CDH12: variants seen among roughly 807,000 people sequenced by gnomAD.
CDH12 encodes cadherin 12, also known as cadherin-12.
A neutral mutation model predicts 74.1 loss-of-function variants in CDH12; 41 were observed. The observed-to-expected ratio is 0.55, with a 90% CI of 0.43 to 0.72. CDH12 has a LOEUF of 0.72. Ranked by LOEUF, CDH12 falls within the 30% of genes least tolerant of loss-of-function variation. The pLI is 0.00. For synonymous variants in CDH12, 399 were observed against 355.0 expected (o/e 1.12, Z -1.39); for missense variants, 945 against 977.2 (o/e 0.97, Z 0.44).
intron 1 of CDH12, among the ~76,000 whole-genome samples, chr5:22,622,376 G>A (rs1580824819): frequency 6.6e-6 from 1 of 151,980 alleles, no homozygotes; most frequent in African/African-American, 2.4e-5. Flanking sequence ...CGCAGACACT[G>A]GACTAAATGA....
At chr5:21,785,836 A>G (rs1746167505) in intron 10 of CDH12, among the ~76,000 whole-genome samples, 1 of 152,210 alleles carries the variant, frequency 6.6e-6, no homozygotes, top group Non-Finnish European at 1.5e-5. Context: ...AAAAAGATCT[A>G]GATAAGATCA....
chr5:22,714,010 A>G (rs1392041906), intron 1 of CDH12, among the ~76,000 whole-genome samples: 1 of 152,166 alleles, frequency 6.6e-6, no homozygotes, highest in Non-Finnish European at 1.5e-5. Flanking sequence ...ATTTCACGTT[A>G]TGTTGTTTCA....
At chr5:22,018,496 A>G (rs1159107255) in intron 5 of CDH12, among the ~76,000 whole-genome samples, 2 of 152,162 alleles carry the variant, frequency 1.3e-5, no homozygotes, top group Non-Finnish European at 2.9e-5. Flanking sequence ...ATACGTTGGA[A>G]CTTTGTATTT....
chr5:22,319,580 A>C (rs1738776491), intron 3 of CDH12, among the ~76,000 whole-genome samples: 1 of 152,194 alleles, frequency 6.6e-6, no homozygotes, highest in Non-Finnish European at 1.5e-5. Context: ...AGAATTAGAT[A>C]AAATCAGGAG....
intron 1 of CDH12, among the ~76,000 whole-genome samples, chr5:22,801,435 G>GT (rs1464464703): frequency 4.6e-5 from 7 of 151,724 alleles, no homozygotes; most frequent in Non-Finnish European, 7.4e-5. Flanking sequence ...TTAAAAAGAG[G>GT]TTTTTTGCCT....
chr5:22,289,512 G>A (rs1322268910), intron 3 of CDH12, among the ~76,000 whole-genome samples: 1 of 152,050 alleles, frequency 6.6e-6, no homozygotes, highest in Non-Finnish European at 1.5e-5. Context: ...GACAATACTA[G>A]AATAAAACCA....
rs1361947258 is a variant in CDH12, at chr5:22,314,646, C to T, written c.-333+90611G>A. On this transcript the variant is annotated intron_variant, in intron 3 of 14. Transcript: ENST00000382254. Reference sequence around the variant, plus strand: ...GATGGTATGCCACGTAAGGTGAGCTCGTAAATGCAGGACGCTGAGTGAAGG... The same window carrying T: ...GATGGTATGCCACGTAAGGTGAGCTTGTAAATGCAGGACGCTGAGTGAAGG... Among the ~76,000 whole-genome samples the T allele has an allele frequency of 1.2e-4, 18 of 152,104 alleles. No individual in the cohort carries two copies. The South Asian group carries it at 2.9e-3, about 25-fold the overall frequency.
chr5:22,129,441 T>C (rs1355821476), intron 4 of CDH12, among the ~76,000 whole-genome samples: 2 of 152,134 alleles, frequency 1.3e-5, no homozygotes, highest in African/African-American at 4.8e-5. Flanking sequence ...TTCCAGGAAA[T>C]GAGAAAAATC....
chr5:21,896,860 A>C (rs1455682948), intron 6 of CDH12, among the ~76,000 whole-genome samples: 1 of 152,198 alleles, frequency 6.6e-6, no homozygotes, highest in Non-Finnish European at 1.5e-5. Flanking sequence ...TATTCTTATC[A>C]GTATAATTTG....
At chr5:22,702,344 C>A (rs1192003706) in intron 1 of CDH12, among the ~76,000 whole-genome samples, 2 of 152,126 alleles carry the variant, frequency 1.3e-5, no homozygotes, top group Non-Finnish European at 2.9e-5. Context: ...CAGGTAGGAA[C>A]CACTGATACA....
intron 5 of CDH12, among the ~76,000 whole-genome samples, chr5:22,022,850 T>C (rs1458160073): frequency 1.3e-5 from 2 of 152,134 alleles, no homozygotes; most frequent in African/African-American, 4.8e-5. Flanking sequence ...CTCCAAATAA[T>C]ACATAAATTT....
At chr5:22,272,071 G>A (rs1208794044) in intron 3 of CDH12, among the ~76,000 whole-genome samples, 1 of 152,152 alleles carries the variant, frequency 6.6e-6, no homozygotes, top group Non-Finnish European at 1.5e-5. Flanking sequence ...TTGTAGATGG[G>A]ATCTTCCTCC....
chr5:22,523,716 C>T (rs926502069), intron 1 of CDH12, among the ~76,000 whole-genome samples: 9 of 152,012 alleles, frequency 5.9e-5, no homozygotes, highest in African/African-American at 1.9e-4. Context: ...TGTAGGTTGC[C>T]TCATATAATT....
At chr5:22,365,407 A>G (rs984365327) in intron 3 of CDH12, among the ~76,000 whole-genome samples, 3 of 152,236 alleles carry the variant, frequency 2.0e-5, no homozygotes, top group African/African-American at 7.2e-5. Flanking sequence ...TTCACTCAAC[A>G]GTATTATTAA....
At chr5:22,771,304 G>T (rs538405388) in intron 1 of CDH12, among the ~76,000 whole-genome samples, 26 of 152,154 alleles carry the variant, frequency 1.7e-4, no homozygotes, top group African/African-American at 6.3e-4. Flanking sequence ...AAACCAATTT[G>T]CTGAATGTAT....
intron 1 of CDH12, among the ~76,000 whole-genome samples, chr5:22,623,297 G>T (rs1048931397): frequency 6.6e-6 from 1 of 152,156 alleles, no homozygotes; most frequent in African/African-American, 2.4e-5. Context: ...TCAACATAGT[G>T]TTGCAAGTTC....
At chr5:21,896,530 C>T (rs1257270862) in intron 6 of CDH12, among the ~76,000 whole-genome samples, 1 of 152,108 alleles carries the variant, frequency 6.6e-6, no homozygotes, top group Non-Finnish European at 1.5e-5. Context: ...CATTGAAATA[C>T]CAGATTGTTA....
intron 6 of CDH12, among the ~76,000 whole-genome samples, chr5:21,866,328 C>A (rs1335195146): frequency 2.0e-5 from 3 of 152,190 alleles, no homozygotes; most frequent in Non-Finnish European, 2.9e-5. Flanking sequence ...GATTGGAGGG[C>A]TCAGAAGAAG....
chr5:22,123,331 G>T (rs115696705), intron 4 of CDH12, among the ~76,000 whole-genome samples: 1 of 152,188 alleles, frequency 6.6e-6, no homozygotes, highest in East Asian at 1.9e-4. Context: ...CTCCAGTGCT[G>T]TGAGAAATAA....
Sources: gnomAD v4.1 joint callset for allele counts (sites outside exome capture counted in the v4.1 genomes callset) on GRCh38, gnomAD v4.1.1 for gene constraint, MANE v1.5 for transcripts, NCBI Gene and HGNC (gene_info 2026-07-23, HGNC 2026-07-21) for gene names.